MIIP: variants seen among roughly 807,000 people sequenced by gnomAD.
MIIP encodes migration and invasion inhibitory protein.
Under a neutral mutation model 44.8 loss-of-function variants are expected in MIIP, and 44 were observed. That is an observed-to-expected ratio of 0.98 (90% confidence interval 0.77 to 1.26). MIIP has a LOEUF of 1.26. MIIP is among the 50% of genes most tolerant of loss of function. The pLI is 0.00. For missense variants in MIIP, 496 were observed against 511.7 expected (o/e 0.97, Z 0.30); for synonymous variants, 225 against 218.3 (o/e 1.03, Z -0.27).
chr1:12,030,333 ATCTG>A (rs1640212025), intron 8 of MIIP, among the ~76,000 whole-genome samples: 1 of 152,088 alleles, frequency 6.6e-6, no homozygotes, highest in South Asian at 2.1e-4. Flanking sequence ...TTCCAGGGTG[ATCTG>A]CCTGCAGGCT....
chr1:12,021,121 A>G (rs1202965448), intron 1 of MIIP, among the ~76,000 whole-genome samples: 3 of 152,038 alleles, frequency 2.0e-5, no homozygotes, highest in Non-Finnish European at 4.4e-5. Flanking sequence ...TTGGCCAGGC[A>G]CTGTAGCTCA....
chr1:12,026,371 C>T (rs1418767135), intron 4 of MIIP, among the ~76,000 whole-genome samples: 1 of 152,092 alleles, frequency 6.6e-6, no homozygotes, highest in Non-Finnish European at 1.5e-5. Flanking sequence ...CAGGCCCTGC[C>T]CTTGAGTACT....
chr1:12,029,746 C>T lies in MIIP; in HGVS notation c.716-19C>T. 1 of 1,601,122 alleles carries T rather than the reference C, an allele frequency of 6.2e-7. No individual in the cohort carries two copies. ...GTTCCTGGCTCAGGGAGAGCTGTGG[C>T]TTCTCATGGGCCTCGCAGGCGTGTA... is the stretch of plus-strand genomic sequence containing the variant. On this transcript the variant is annotated intron_variant, in intron 6 of 9. Coordinates refer to ENST00000235332, the MANE Select transcript of MIIP (RefSeq NM_021933.4).
Position 12,022,424 on chromosome 1 carries a change from A to G in MIIP, c.444A>G (p.Gln148=). ...AGACCCCGAGGTCCATCCTGGCTCA[A>G]CAGAGCAAGCTGTCCAAGGTAACGT... is the stretch of plus-strand genomic sequence containing the variant. ...EAQTPRSILA[Q]QSKLSKPRVT... The change falls in exon 3 of 10, where the codon CAA becomes CAG. Residue 148 remains glutamine (Q), a synonymous_variant. Coordinates refer to ENST00000235332, the MANE Select transcript of MIIP (RefSeq NM_021933.4). The G allele has an allele frequency of 6.3e-7, 1 of 1,579,520 alleles. No homozygotes were observed. Among genetic ancestry groups the G allele is most frequent in the Non-Finnish European group, 8.6e-7 (1 of 1,163,864 alleles).
chr1:12,023,360 C>T (rs974972936), intron 4 of MIIP, among the ~76,000 whole-genome samples: 4 of 149,326 alleles, frequency 2.7e-5, no homozygotes, highest in African/African-American at 9.8e-5. Context: ...CACCGCCCCC[C>T]ACAGCCACCT....
intron 1 of MIIP, among the ~76,000 whole-genome samples, chr1:12,020,343 C>T (rs995780336): frequency 4.6e-5 from 7 of 152,158 alleles, no homozygotes; most frequent in Admixed American, 2.6e-4. Context: ...ATAAAGCAAG[C>T]TTGTCCAAAC....
In MIIP at chr1:12,030,029, G is replaced by A. The variant is rs760221404; in HGVS notation, c.847G>A (p.Val283Met). The stretch of plus-strand genomic sequence containing the variant: ...GTCCCCCACTGCCCCCCTGCGCAGG[G>A]TGAGCATCCCGCTGTCGATCCTGGA... ...GTLAQPAHVR[V>M]SIPLSILEPP... The change falls in exon 8 of 10, where the codon GTG becomes ATG. Residue 283 changes from valine to methionine, a missense_variant and splice_region_variant. Physicochemically the swap from Val to Met is conservative, Grantham distance 21. Transcript: ENST00000235332. The A allele has an allele frequency of 6.2e-7, 1 of 1,613,462 alleles. No homozygotes were observed. The highest frequency in any genetic ancestry group is 8.5e-7 in the Non-Finnish European group (1 of 1,179,864).
rs140386512 is a variant in MIIP, at chr1:12,022,138, C to A, written c.158C>A (p.Ser53Ter). ...AGCAGCTACAACTCAGAGACTCCAT[C>A]GACCCCAGAGACGTCCTCAACTTCC... ...SSSSYNSETPSTPETSSTSLS... is the reference protein window; with the variant it reads ...SSSSYNSETP The change falls in exon 3 of 10, where the codon TCG (serine) becomes TAG (stop). Residue 53 changes from serine (S) to a stop codon, truncating the protein, a stop_gained. Transcript: ENST00000235332. LOFTEE classifies it high-confidence loss of function. 208 of 1,614,044 alleles carry A rather than the reference C, an allele frequency of 1.3e-4. No individual in the cohort carries two copies. The African/African-American group carries it at 2.5e-3, about 19-fold the overall frequency.
Position 12,025,061 on chromosome 1 carries a change from T to G in MIIP, c.547+2144T>G, listed in dbSNP as rs12354115. Among the ~76,000 whole-genome samples the G allele has an allele frequency of 4.0e-3, 591 of 147,708 alleles. 5 individuals are homozygous for G. Among genetic ancestry groups the G allele is most frequent in the Non-Finnish European group, 6.8e-3 (459 of 67,264 alleles). On this transcript the variant is annotated intron_variant, in intron 4 of 9. Coordinates refer to ENST00000235332, the MANE Select transcript of MIIP (RefSeq NM_021933.4). ...TTTTGTTTTTTGTTTTTTGTTGTTG[T>G]TTTTTTTGTTTGTTTTGAGAGAGAG... is the stretch of plus-strand genomic sequence containing the variant.
At chr1:12,021,226 C>T (rs1435447853) in intron 1 of MIIP, among the ~76,000 whole-genome samples, 1 of 151,826 alleles carries the variant, frequency 6.6e-6, no homozygotes, top group Non-Finnish European at 1.5e-5. Flanking sequence ...AACCCCGTCT[C>T]TACTAAAAAT....
In MIIP at chr1:12,022,233, C is replaced by A; in HGVS notation, c.253C>A (p.Arg85Ser). ...GPPDACRGDL[R>S]DVARSGVASL... ...ACCAGATGCCTGTCGAGGGGACCTC[C>A]GTGATGTGGCCAGATCGGGGGTGGC... Residue 85 changes from arginine (R) to serine (S), a missense_variant, in exon 3 of 10, where the codon CGT becomes AGT. By Grantham distance (110) the Arg-to-Ser change is moderately radical. Coordinates refer to ENST00000235332, the MANE Select transcript of MIIP (RefSeq NM_021933.4). The A allele has an allele frequency of 2.5e-6, 4 of 1,613,134 alleles. No individual in the cohort carries two copies. Among genetic ancestry groups the A allele is most frequent in the South Asian group, 1.1e-5 (1 of 90,958 alleles).
At chr1:12,021,103 A>AT (rs1251332732) in intron 1 of MIIP, among the ~76,000 whole-genome samples, 1 of 151,454 alleles carries the variant, frequency 6.6e-6, no homozygotes, top group African/African-American at 2.4e-5. Context: ...AGCTAATTAA[A>AT]TTTTTTTTTG....
intron 4 of MIIP, among the ~76,000 whole-genome samples, chr1:12,026,823 G>T (rs889960970): frequency 6.6e-6 from 1 of 152,158 alleles, no homozygotes; most frequent in Non-Finnish European, 1.5e-5. Flanking sequence ...CTTACCAGCA[G>T]CTCACATCCA....
intron 4 of MIIP, among the ~76,000 whole-genome samples, chr1:12,023,118 C>CT (rs1423701590): frequency 2.9e-5 from 4 of 140,228 alleles, no homozygotes; most frequent in Non-Finnish European, 6.0e-5. Flanking sequence ...GGCTGGAGTG[C>CT]AGTAGTGTGA....
At position 12,032,014 on chromosome 1, in the gene MIIP, T is replaced by G; in HGVS notation, c.*206T>G. The G allele has an allele frequency of 5.0e-6, 3 of 599,558 alleles. No homozygotes were observed. Among genetic ancestry groups the G allele is most frequent in the Non-Finnish European group, 8.9e-6 (3 of 338,192 alleles). 37.1% of individuals were successfully genotyped at this position (599,558 alleles called of 1,614,324 possible). ...GGAGGGTGAGGGATTCTGTGGAAGT[T>G]TGTAAATAAAGCTCAGTGCTCTGCA... On this transcript the variant is annotated 3_prime_UTR_variant, in exon 10 of 10. Coordinates refer to ENST00000235332, the MANE Select transcript of MIIP (RefSeq NM_021933.4).
At chr1:12,029,001 C>A (rs1279421940) in intron 4 of MIIP, 32 bp from the exon 5 acceptor site, 1 of 1,576,048 alleles carries the variant, frequency 6.3e-7, no homozygotes, top group Admixed American at 1.7e-5. Flanking sequence ...AGCCCCTCTC[C>A]CGTCAGCTGC....
At position 12,022,766 on chromosome 1, in the gene MIIP, G is replaced by A. The variant is rs1361639120; in HGVS notation, c.463-67G>A. On this transcript the variant is annotated intron_variant, in intron 3 of 9. Coordinates refer to ENST00000235332, the MANE Select transcript of MIIP (RefSeq NM_021933.4). ...TTAAGACACAGTCTCTCTGTCCCTC[G>A]AATTGCGGCTTCCTCTGGGCCAGGC... 4 of 1,253,930 alleles carry A rather than the reference G, an allele frequency of 3.2e-6. No individual in the cohort carries two copies. The East Asian group carries it at 7.5e-5, about 23-fold the overall frequency. The allele number at this position is 1,253,930 out of a possible 1,614,324, so 77.7% of individuals were successfully genotyped here.
chr1:12,029,678 T>G (rs1297172667), intron 6 of MIIP, 87 bp from the exon 7 acceptor site: 1 of 1,524,324 alleles, frequency 6.6e-7, no homozygotes, highest in African/African-American at 1.4e-5. Context: ...GCAGCTTGTG[T>G]GGTTGGGGGC....
intron 6 of MIIP, 166 bp from the exon 7 acceptor site, chr1:12,029,599 C>T (rs1640184319): frequency 7.1e-6 from 7 of 980,830 alleles, no homozygotes; most frequent in Non-Finnish European, 4.5e-6. Flanking sequence ...CCCCTTAGGG[C>T]GTGGGCCCCA....
Sources: allele counts gnomAD v4.1 joint callset (sites outside exome capture counted in the v4.1 genomes callset), GRCh38; gene constraint gnomAD v4.1.1; transcripts MANE v1.5; gene names NCBI Gene and HGNC (gene_info 2026-07-23, HGNC 2026-07-21).